Variants in TIAM1 observed in about 807,000 individuals in gnomAD.
TIAM1 encodes TIAM Rac1 associated GEF 1.
Under a neutral mutation model 163.5 loss-of-function variants are expected in TIAM1, and 65 were observed. The observed-to-expected ratio is 0.40, with a 90% CI of 0.33 to 0.49. The LOEUF is 0.49. Among genes scored for constraint, TIAM1 ranks in the 20% least tolerant of loss-of-function variants. The pLI is 0.77. For missense variants in TIAM1, 1,789 were observed against 2,044.7 expected (o/e 0.87, Z 2.41); for synonymous variants, 833 against 810.1 (o/e 1.03, Z -0.48).
chr21:31,230,589 A>C (rs1048942083), intron 6 of TIAM1, among the ~76,000 whole-genome samples: 1 of 152,094 alleles, frequency 6.6e-6, no homozygotes, highest in Non-Finnish European at 1.5e-5. Flanking sequence ...CCTGGGCATG[A>C]TCTCAGCTCA....
At chr21:31,473,298 C>T (rs894789901) in intron 1 of TIAM1, among the ~76,000 whole-genome samples, 10 of 151,834 alleles carry the variant, frequency 6.6e-5, no homozygotes, top group Middle Eastern at 3.4e-3. Flanking sequence ...GGCGTGGTGG[C>T]GGGTGCCTGT....
chr21:31,329,489 T>C (rs543212875), intron 2 of TIAM1, among the ~76,000 whole-genome samples: 16 of 152,296 alleles, frequency 1.1e-4, no homozygotes, highest in African/African-American at 3.9e-4. Flanking sequence ...TCACAGTACA[T>C]TCAAATACGA....
At chr21:31,363,054 T>C (rs1031820623) in intron 2 of TIAM1, among the ~76,000 whole-genome samples, 1 of 152,200 alleles carries the variant, frequency 6.6e-6, no homozygotes, top group Non-Finnish European at 1.5e-5. Flanking sequence ...GGATCATTGT[T>C]GAACCTCAAG....
Position 31,118,719 on chromosome 21 carries a change from AG to A in TIAM1, c.*1648del, listed in dbSNP as rs773969647. On this transcript the variant is annotated 3_prime_UTR_variant, in exon 28 of 28. Transcript: ENST00000541036. ...GATATGGAAAAATGCAGTGATACAA[AG>A]GGTATAGAAACCATTCTAAAGCTTT... 1.7e-4 allele frequency: 76 copies of A among 459,362 alleles called. No individual in the cohort carries two copies. Among genetic ancestry groups the A allele is most frequent in the Non-Finnish European group, 3.2e-4 (71 of 223,588 alleles). 28.5% of individuals were successfully genotyped at this position (459,362 alleles called of 1,614,324 possible).
intron 10 of TIAM1, chr21:31,213,024 G>A (rs2086968963): frequency 5.4e-6 from 1 of 186,892 alleles, no homozygotes; most frequent in South Asian, 1.2e-4. Context: ...AACAGCATGT[G>A]TGGGCAGAGA....
chr21:31,287,490 G>GTGAAGAAATAGACTAA (rs1319250576), intron 2 of TIAM1, among the ~76,000 whole-genome samples: 1 of 152,208 alleles, frequency 6.6e-6, no homozygotes, highest in East Asian at 1.9e-4. Flanking sequence ...AGTGAAGGAT[G>GTGAAGAAATAGACTAA]TGAAGAAATA....
rs1228855775 is a variant in TIAM1, at chr21:31,120,623, G to C, written c.4521C>G (p.Asp1507Glu). The C allele has an allele frequency of 6.2e-7, 1 of 1,613,964 alleles. No individual in the cohort carries two copies. Among genetic ancestry groups the C allele is most frequent in the Non-Finnish European group, 8.5e-7 (1 of 1,180,028 alleles). The change falls in exon 28 of 28, where the codon GAC becomes GAG. Residue 1507 changes from aspartate (D) to glutamate (E), a missense_variant. Asp to Glu is a conservative substitution (Grantham distance 45, BLOSUM62 2). Transcript: ENST00000541036. This position sits in a 1 kb window ranked among gnomAD's most constrained non-coding sequence, Gnocchi z 4.2. Reference protein sequence around the residue: ...DDIKETDILSDDDEFCESVKG... With the variant: ...DDIKETDILSEDDEFCESVKG... ...TCACGGACTCACAGAACTCATCATC[G>C]TCACTGAGGATGTCTGTCTCCTTGA... is the stretch of plus-strand genomic sequence containing the variant.
At chr21:31,374,157 G>C (rs8127384) in intron 2 of TIAM1, among the ~76,000 whole-genome samples, 24,578 of 152,028 alleles carry the variant, frequency 0.16, 2,158 homozygotes, top group Middle Eastern at 0.34. Flanking sequence ...AACTCGCTCA[G>C]TGCTTGGCGC....
intron 15 of TIAM1, among the ~76,000 whole-genome samples, chr21:31,174,905 C>T (rs1449728915): frequency 6.6e-6 from 1 of 152,288 alleles, no homozygotes; most frequent in Non-Finnish European, 1.5e-5. Context: ...CTCAGCCTCC[C>T]AACGTGCTGG....
At chr21:31,483,767 G>A (rs2046187519) in intron 1 of TIAM1, among the ~76,000 whole-genome samples, 1 of 152,058 alleles carries the variant, frequency 6.6e-6, no homozygotes, top group South Asian at 2.1e-4. Context: ...TAGGACCAGA[G>A]ACAATGTCCC....
chr21:31,214,330 A>G (rs2087053626), intron 9 of TIAM1, among the ~76,000 whole-genome samples: 1 of 152,116 alleles, frequency 6.6e-6, no homozygotes, highest in African/African-American at 2.4e-5. Flanking sequence ...GTCTCAAAAA[A>G]AACAAAAAAA....
chr21:31,228,247 A>ATCTG (rs2088167248), intron 6 of TIAM1, among the ~76,000 whole-genome samples: 2 of 128,820 alleles, frequency 1.6e-5, no homozygotes, highest in African/African-American at 7.3e-5. Flanking sequence ...AAAAAAAAAA[A>ATCTG]AAAAAAAAAA....
At chr21:31,374,022 T>C (rs916113801) in intron 2 of TIAM1, among the ~76,000 whole-genome samples, 1 of 151,838 alleles carries the variant, frequency 6.6e-6, no homozygotes, top group Non-Finnish European at 1.5e-5. Context: ...TCTGTCACTC[T>C]AAATGGCCTT....
chr21:31,450,954 A>G (rs981323488), intron 2 of TIAM1, among the ~76,000 whole-genome samples: 112 of 152,066 alleles, frequency 7.4e-4, no homozygotes, highest in African/African-American at 2.6e-3. Flanking sequence ...ACACAGCCAA[A>G]CCATATCAAG....
intron 2 of TIAM1, among the ~76,000 whole-genome samples, chr21:31,292,316 G>A (rs555084727): frequency 7.3e-5 from 11 of 150,872 alleles, no homozygotes; most frequent in Non-Finnish European, 1.6e-4. Flanking sequence ...TCTACATCTT[G>A]TCTCTTCTAT....
At chr21:31,371,359 TC>T (rs2076593941) in intron 2 of TIAM1, among the ~76,000 whole-genome samples, 1 of 152,096 alleles carries the variant, frequency 6.6e-6, no homozygotes. Flanking sequence ...TTTAGTACCT[TC>T]CTCCTCATTT....
chr21:31,390,313 T>C (rs1394836965), intron 2 of TIAM1, among the ~76,000 whole-genome samples: 4 of 152,342 alleles, frequency 2.6e-5, no homozygotes, highest in Non-Finnish European at 4.4e-5. Flanking sequence ...AGAATCTCAC[T>C]AATGGACAAG....
chr21:31,383,614 C>A (rs562748278), intron 2 of TIAM1, among the ~76,000 whole-genome samples: 1 of 152,316 alleles, frequency 6.6e-6, no homozygotes. Flanking sequence ...GTCATTTCCA[C>A]GGACAATTCC....
intron 1 of TIAM1, among the ~76,000 whole-genome samples, chr21:31,517,805 A>C (rs548459641): frequency 6.6e-6 from 1 of 152,318 alleles, no homozygotes; most frequent in East Asian, 1.9e-4. Context: ...TCTTATCAAC[A>C]GAGATGGCGA....
Sources: allele counts gnomAD v4.1 joint callset (sites outside exome capture counted in the v4.1 genomes callset), GRCh38; gene constraint gnomAD v4.1.1; non-coding constraint Gnocchi (gnomAD v3.1); transcripts MANE v1.5; gene names NCBI Gene and HGNC (gene_info 2026-07-23, HGNC 2026-07-21).